Variants in EVC observed in about 807,000 individuals in gnomAD.
EVC encodes the protein evC complex member EVC.
A neutral mutation model predicts 118.9 loss-of-function variants in EVC; 116 were observed. The observed-to-expected ratio is 0.98, with a 90% CI of 0.84 to 1.14. The LOEUF is 1.14. Among genes scored for constraint, EVC ranks in the 50% most tolerant of loss-of-function variants. The pLI, the probability that EVC is intolerant of heterozygous loss-of-function variation, is 0.00. For synonymous variants in EVC, 619 were observed against 534.7 expected (o/e 1.16, Z -2.18); for missense variants, 1,401 against 1,246.4 (o/e 1.12, Z -1.87).
the EVC span, chr4:5,825,592 G>A: frequency 6.2e-7 from 1 of 1,602,648 alleles, no homozygotes; most frequent in South Asian, 1.1e-5. This position sits in a 1 kb window ranked among gnomAD's most constrained non-coding sequence, Gnocchi z 4.4. Context: ...TGCATATTTG[G>A]GTGTAGCTGG....
At chr4:5,810,024 G>C (rs931018459) in intron 19 of EVC, among the ~76,000 whole-genome samples, 1 of 152,200 alleles carries the variant, frequency 6.6e-6, no homozygotes, top group East Asian at 1.9e-4. Context: ...CTGGTGCTGG[G>C]TTTTCAGTTG....
rs1026574663 is a variant in EVC, at chr4:5,755,604, C to G, written c.1465-660C>G. On this transcript the variant is annotated intron_variant, in intron 10 of 20. Transcript: ENST00000264956. This position sits in a 1 kb window ranked among gnomAD's most constrained non-coding sequence, Gnocchi z 4.1. The stretch of plus-strand genomic sequence containing the variant: ...CTCTGCTGCTGCTCGCTGAGCCTGG[C>G]TCCCCATCTTCCCTCCAAGGAGTCC... 2.6e-5 allele frequency among the ~76,000 whole-genome samples: 4 copies of G among 152,146 alleles called. No homozygotes were observed. The highest frequency in any genetic ancestry group is 6.5e-5 in the Admixed American group (1 of 15,282).
chr4:5,811,441 C>T lies in EVC; in HGVS notation c.*404C>T, dbSNP rs945953977. ...AGGACACACAGATACATAATGACAC[C>T]TGCAGAAATGTATTCTCTGAGGACA... On this transcript the variant is annotated 3_prime_UTR_variant, in exon 21 of 21. Transcript: ENST00000264956. 3.8e-6 allele frequency: 1 copy of T among 264,944 alleles called. No homozygotes were observed. Among genetic ancestry groups the T allele is most frequent in the Non-Finnish European group, 7.3e-6 (1 of 136,610 alleles). 16.4% of individuals were successfully genotyped at this position (264,944 alleles called of 1,614,324 possible).
chr4:5,719,367 T>C lies in EVC; in HGVS notation c.294T>C (p.Ala98=). The change falls in exon 2 of 21, where the codon GCT becomes GCC. Residue 98 remains alanine (A), a synonymous_variant. Transcript: ENST00000264956. The surrounding 1 kb of genome is among the most constrained non-coding windows in gnomAD (Gnocchi z 4.7). ...TGCAGATGTCGAAGGACAAGGAAGC[T>C]GTTGATGTAAGCTTGGTGTTGATGT... ...REVQMSKDKE[A]VDECEPPSNS... The C allele has an allele frequency of 6.2e-7, 1 of 1,614,104 alleles. No homozygotes were observed. The highest frequency in any genetic ancestry group is 8.5e-7 in the Non-Finnish European group (1 of 1,180,012).
In EVC at chr4:5,810,514, T is replaced by C; in HGVS notation, c.2894+64T>C. ...TTGGTAAATGCACTCAGCTGCTGTG[T>C]GCCAAAAGTCAGGGCAGGAAAATCA... On this transcript the variant is annotated intron_variant, in intron 20 of 20. Coordinates refer to ENST00000264956, the MANE Select transcript of EVC (RefSeq NM_153717.3). The C allele has an allele frequency of 3.9e-6, 5 of 1,278,630 alleles. No homozygotes were observed. In the South Asian group the frequency reaches 6.3e-5, roughly 16 times the overall value. 79.2% of individuals were successfully genotyped at this position (1,278,630 alleles called of 1,614,324 possible).
intron 11 of EVC, among the ~76,000 whole-genome samples, chr4:5,770,556 A>G (rs1488781845): frequency 3.3e-5 from 5 of 152,188 alleles, no homozygotes; most frequent in Non-Finnish European, 5.9e-5. Context: ...AGTGGGAAGT[A>G]GTGATTCGGA....
At chr4:5,726,419 G>A (rs1280386141) in intron 2 of EVC, among the ~76,000 whole-genome samples, 1 of 152,148 alleles carries the variant, frequency 6.6e-6, no homozygotes, top group African/African-American at 2.4e-5. Context: ...GGAGAGAGAT[G>A]CAGAGGATGT....
intron 11 of EVC, among the ~76,000 whole-genome samples, chr4:5,778,571 G>T (rs951026777): frequency 6.6e-6 from 1 of 152,146 alleles, no homozygotes; most frequent in African/African-American, 2.4e-5. Context: ...GTTTTGATTT[G>T]CATTTCTCTG....
rs770139825 is a variant in EVC at position 5,745,357 on chromosome 4, T to A, written c.939+16T>A. 2.5e-6 allele frequency: 4 copies of A among 1,610,940 alleles called. No homozygotes were observed. The highest frequency in any genetic ancestry group is 3.3e-5 in the Admixed American group (2 of 59,924). ...AATCGATAATGTGCGTGCCAGACTT[T>A]CTTTCCTGTACACAAATTTTGGTTC... On this transcript the variant is annotated intron_variant, in intron 7 of 20. Coordinates refer to ENST00000264956, the MANE Select transcript of EVC (RefSeq NM_153717.3).
intron 6 of EVC, 26 bp from the exon 7 acceptor site, chr4:5,745,178 C>T (rs1729167419): frequency 1.9e-6 from 3 of 1,606,590 alleles, no homozygotes; most frequent in African/African-American, 1.4e-5. Flanking sequence ...TGTTTATTTG[C>T]TTTCTTTTTT....
rs1729681346 is a variant in EVC, at chr4:5,748,307, G to A, written c.1098+1G>A. On this transcript the variant is annotated splice_donor_variant, in intron 8 of 20. Transcript: ENST00000264956. LOFTEE classifies it high-confidence loss of function. Reference sequence around the variant, plus strand: ...CGATTCTCAGGAGCTGCAGGCTCTGGTAATGCTGGAGGGGGCGGGAGGGAA... The same window carrying A: ...CGATTCTCAGGAGCTGCAGGCTCTGATAATGCTGGAGGGGGCGGGAGGGAA... The A allele has an allele frequency of 6.2e-7, 1 of 1,614,034 alleles. No individual in the cohort carries two copies. The highest frequency in any genetic ancestry group is 1.3e-5 in the African/African-American group (1 of 75,028).
At chr4:5,825,825 G>A in the EVC span, 11 of 654,340 alleles carry the variant, frequency 1.7e-5, no homozygotes, top group Admixed American at 1.0e-4. This position sits in a 1 kb window ranked among gnomAD's most constrained non-coding sequence, Gnocchi z 4.4. Context: ...TCACACACAT[G>A]CAGCCGCACA....
chr4:5,717,773 T>G (rs1347064164), intron 1 of EVC, among the ~76,000 whole-genome samples: 5 of 152,210 alleles, frequency 3.3e-5, no homozygotes, highest in African/African-American at 1.2e-4. Context: ...CCTTCTCAAA[T>G]GCCGCTTTGT....
At chr4:5,733,603 G>T (rs933557465) in intron 5 of EVC, among the ~76,000 whole-genome samples, 168 bp downstream of exon 5, 1 of 152,166 alleles carries the variant, frequency 6.6e-6, no homozygotes, top group Non-Finnish European at 1.5e-5. Context: ...CCACAAAATG[G>T]AAAAGCACTT....
chr4:5,711,351 T>TGCGGCGGG lies in EVC; in HGVS notation c.-24_-17dup. 9.9e-7 allele frequency: 1 copy of TGCGGCGGG among 1,007,658 alleles called. No individual in the cohort carries two copies. The highest frequency in any genetic ancestry group is 1.2e-6 in the Non-Finnish European group (1 of 845,640). The allele number at this position is 1,007,658 out of a possible 1,614,324, so 62.4% of individuals were successfully genotyped here. A position where few individuals can be genotyped will look rare whatever the true frequency, so the allele number is the denominator to read the frequency against. ...GGGGACGGTGCAGCAGGCGGCGGGA[T>TGCGGCGGG]GCGGCGGGGCGGCAGCCTGAGCGCC... is the stretch of plus-strand genomic sequence containing the variant. On this transcript the variant is annotated 5_prime_UTR_variant, in exon 1 of 21. The change creates a premature stop within an existing upstream ORF in the 5' untranslated region. Coordinates refer to ENST00000264956, the MANE Select transcript of EVC (RefSeq NM_153717.3).
In EVC at chr4:5,719,735, C is replaced by T. The variant is rs1257446382; in HGVS notation, c.300+362C>T. On this transcript the variant is annotated intron_variant, in intron 2 of 20. Transcript: ENST00000264956. This position sits in a 1 kb window ranked among gnomAD's most constrained non-coding sequence, Gnocchi z 4.7. The stretch of plus-strand genomic sequence containing the variant: ...GGAACCTTATGCAAATGGAATTGTG[C>T]TGTTCTGTGCCTGTGTTCCCTCCAC... Among the ~76,000 whole-genome samples, 1 of 152,160 alleles carries T rather than the reference C, an allele frequency of 6.6e-6. No homozygotes were observed. Among genetic ancestry groups the T allele is most frequent in the Non-Finnish European group, 1.5e-5 (1 of 68,032 alleles).
rs1309706032 is a variant in EVC at position 5,800,545 on chromosome 4, G to A, written c.2305-1405G>A. On this transcript the variant is annotated intron_variant, in intron 15 of 20. Coordinates refer to ENST00000264956, the MANE Select transcript of EVC (RefSeq NM_153717.3). ...AAGGATGGAGGGCCTGGTGAAGGGA[G>A]GAGAGGTGGGTGCAGAGTGGGGTGT... Among the ~76,000 whole-genome samples the A allele has an allele frequency of 3.3e-5, 5 of 152,136 alleles. No homozygotes were observed. The East Asian group carries it at 9.7e-4, about 29-fold the overall frequency.
the EVC span, among the ~76,000 whole-genome samples, chr4:5,823,466 T>G: frequency 6.6e-6 from 1 of 152,222 alleles, no homozygotes; most frequent in Non-Finnish European, 1.5e-5. Flanking sequence ...TAATATGGTT[T>G]GGACTTTTGT....
chr4:5,748,596 C>T (rs1409880973), intron 8 of EVC, among the ~76,000 whole-genome samples: 6 of 133,216 alleles, frequency 4.5e-5, no homozygotes, highest in African/African-American at 1.4e-4. Flanking sequence ...ATCCATCCAT[C>T]CATCCACCCA....
Sources: allele counts gnomAD v4.1 joint callset (sites outside exome capture counted in the v4.1 genomes callset), GRCh38; gene constraint gnomAD v4.1.1; non-coding constraint Gnocchi (gnomAD v3.1); transcripts MANE v1.5; gene names NCBI Gene and HGNC (gene_info 2026-07-23, HGNC 2026-07-21).